The following CLVS1 variants were observed in gnomAD, a reference collection of about 807,000 sequenced individuals.
CLVS1 encodes the protein clavesin-1.
Under a neutral mutation model 33.1 loss-of-function variants are expected in CLVS1, and 10 were observed. The ratio of observed to expected loss-of-function variants is 0.30; its 90% confidence interval spans 0.19 to 0.51. The LOEUF (loss-of-function observed/expected upper bound fraction) is 0.51, where lower values mean the gene tolerates loss of function less well. CLVS1 is among the 20% of genes least tolerant of loss of function. The probability of loss-of-function intolerance (pLI) is 0.97; values close to 1 mark genes in which losing one functional copy is unlikely to be tolerated. For synonymous variants in CLVS1, 163 were observed against 166.1 expected, an observed-to-expected ratio of 0.98 and a Z score of 0.14; for missense variants, 343 against 433.4, an observed-to-expected ratio of 0.79 and a Z score of 1.85.
chr8:61,474,097 C>T (rs1378362695), intron 5 of CLVS1, among the ~76,000 whole-genome samples: 1 of 152,102 alleles, frequency 6.6e-6, no homozygotes, highest in Non-Finnish European at 1.5e-5. Context: ...AGAATGAGTG[C>T]CTAGGTTTGA....
At chr8:61,257,551 A>G (rs1809109890) in intron 2 of CLVS1, among the ~76,000 whole-genome samples, 1 of 152,216 alleles carries the variant, frequency 6.6e-6, no homozygotes, top group South Asian at 2.1e-4. Flanking sequence ...AAGATTTTCT[A>G]TGTACCATTG....
chr8:61,047,195 C>T, the CLVS1 span, among the ~76,000 whole-genome samples: 1 of 152,154 alleles, frequency 6.6e-6, no homozygotes, highest in Non-Finnish European at 1.5e-5. Context: ...AGCCAAAAAA[C>T]ACATGAAAAA....
intron 1 of CLVS1, among the ~76,000 whole-genome samples, chr8:61,128,026 G>A (rs1230038077): frequency 6.6e-6 from 1 of 152,192 alleles, no homozygotes; most frequent in Non-Finnish European, 1.5e-5. Flanking sequence ...GGGTAAAAAT[G>A]GTTATTTTGA....
the CLVS1 span, among the ~76,000 whole-genome samples, chr8:61,049,323 C>A: frequency 6.6e-6 from 1 of 152,150 alleles, no homozygotes; most frequent in African/African-American, 2.4e-5. Context: ...GCAATAAACA[C>A]AAGTCTGACC....
chr8:61,438,248 A>G (rs954198496), intron 3 of CLVS1, among the ~76,000 whole-genome samples: 1 of 152,072 alleles, frequency 6.6e-6, no homozygotes, highest in Non-Finnish European at 1.5e-5. Context: ...CTCATTGTTC[A>G]GCTCCCACTT....
At chr8:61,438,001 C>A (rs1021051056) in intron 3 of CLVS1, among the ~76,000 whole-genome samples, 4 of 152,118 alleles carry the variant, frequency 2.6e-5, no homozygotes, top group Admixed American at 1.3e-4. Flanking sequence ...GATGTGTGAA[C>A]TTGGACAAGT....
intron 2 of CLVS1, among the ~76,000 whole-genome samples, chr8:61,339,822 GAA>G (rs1214424411): frequency 1.6e-4 from 23 of 141,722 alleles, no homozygotes; most frequent in South Asian, 2.2e-4. Flanking sequence ...AGGAGGGAAA[GAA>G]AGAGCGAGAA....
chr8:61,180,216 A>G (rs766755877), intron 2 of CLVS1, among the ~76,000 whole-genome samples: 15 of 152,350 alleles, frequency 9.8e-5, no homozygotes, highest in Middle Eastern at 3.4e-3. Context: ...AAACACCTCT[A>G]TGCAAATAAA....
At position 61,174,436 on chromosome 8, in the gene CLVS1, A is replaced by AAAACAAAC. The variant is rs144200333; in HGVS notation, c.-152+42604_-152+42611dup. 4.0e-5 allele frequency among the ~76,000 whole-genome samples: 6 copies of AAAACAAAC among 150,682 alleles called. No homozygotes were observed. In the South Asian group the frequency reaches 1.1e-3, roughly 27 times the overall value. On this transcript the variant is annotated intron_variant, in intron 2 of 2. Transcript: ENST00000522621. ...GGGCAACAGAGTGAGACTGTCTCAA[A>AAAACAAAC]AAACAAACAAACAAACAAACAAACA...
At chr8:60,986,845 T>C in the CLVS1 span, among the ~76,000 whole-genome samples, 1 of 152,226 alleles carries the variant, frequency 6.6e-6, no homozygotes, top group Non-Finnish European at 1.5e-5. Context: ...TAATTGCAGA[T>C]TGAATTTGAA....
chr8:61,346,437 G>T (rs2129598606), intron 2 of CLVS1, among the ~76,000 whole-genome samples: 2 of 152,200 alleles, frequency 1.3e-5, no homozygotes, highest in Admixed American at 1.3e-4. Context: ...AAATAACAGG[G>T]ATGGGAGTCT....
At chr8:61,083,460 A>G (rs1034725633) in intron 1 of CLVS1, among the ~76,000 whole-genome samples, 5 of 152,274 alleles carry the variant, frequency 3.3e-5, no homozygotes, top group African/African-American at 1.2e-4. Flanking sequence ...AGAGCAGCCC[A>G]ACTGAGGGGG....
intron 2 of CLVS1, among the ~76,000 whole-genome samples, chr8:61,209,818 G>A (rs1807934904): frequency 7.3e-6 from 1 of 136,910 alleles, no homozygotes; most frequent in Non-Finnish European, 1.6e-5. Flanking sequence ...CAATATCCTT[G>A]TACAATCTTT....
At chr8:61,035,179 T>C in the CLVS1 span, among the ~76,000 whole-genome samples, 4 of 94,060 alleles carry the variant, frequency 4.3e-5, no homozygotes, top group East Asian at 8.4e-4. Context: ...TCTTTTCTTT[T>C]CTTTTTTCTT....
chr8:61,445,380 G>A (rs1585984270), intron 3 of CLVS1, among the ~76,000 whole-genome samples: 1 of 152,088 alleles, frequency 6.6e-6, no homozygotes, highest in Non-Finnish European at 1.5e-5. Context: ...GAACTGCTTG[G>A]TCCTCATGGT....
chr8:61,025,889 A>G, the CLVS1 span, among the ~76,000 whole-genome samples: 482 of 152,326 alleles, frequency 3.2e-3, 2 homozygotes, highest in African/African-American at 0.011. Flanking sequence ...GGCAAGAGCT[A>G]GCATTCCCAA....
chr8:61,456,412 T>C (rs1260655238), intron 4 of CLVS1, among the ~76,000 whole-genome samples: 1 of 152,210 alleles, frequency 6.6e-6, no homozygotes, highest in Non-Finnish European at 1.5e-5. Context: ...AAAGAAATAA[T>C]TCTTATTAAA....
intron 2 of CLVS1, among the ~76,000 whole-genome samples, chr8:61,191,086 A>T (rs1807462840): frequency 6.6e-6 from 1 of 152,220 alleles, no homozygotes. Flanking sequence ...AGAGAATTTT[A>T]GACCAATATC....
At position 61,320,644 on chromosome 8, in the gene CLVS1, C is replaced by T. The variant is rs78799427; in HGVS notation, c.455+20362C>T. On this transcript the variant is annotated intron_variant, in intron 2 of 5. Transcript: ENST00000325897. ...TAACAGATTCAGTGTCTGGCGAGGG[C>T]CTGTCTCCTGGTTCATAGATGGTAC... is the stretch of plus-strand genomic sequence containing the variant. Among the ~76,000 whole-genome samples, 1,695 of 152,274 alleles carry T rather than the reference C, an allele frequency of 0.011. 95 individuals carry two copies. In the East Asian group the frequency reaches 0.18, roughly 16 times the overall value.
Sources: gnomAD v4.1 joint callset for allele counts (sites outside exome capture counted in the v4.1 genomes callset) on GRCh38, gnomAD v4.1.1 for gene constraint, MANE v1.5 for transcripts, NCBI Gene and HGNC (gene_info 2026-07-23, HGNC 2026-07-21) for gene names.